ZNF496: variants seen among roughly 807,000 people sequenced by gnomAD.
ZNF496 encodes the protein NSD1 (nuclear receptor binding SET-domain containing 1)-interacting zinc finger protein 1.
ZNF496 carries 11 observed loss-of-function variants against 58.9 expected under a neutral mutation model. That is an observed-to-expected ratio of 0.19 (90% CI 0.12 to 0.31). The LOEUF is 0.31. Among genes scored for constraint, ZNF496 ranks in the 10% least tolerant of loss-of-function variants. The probability of loss-of-function intolerance (pLI) is 1.00; values close to 1 mark genes in which losing one functional copy is unlikely to be tolerated. For missense variants in ZNF496, 660 were observed against 783.0 expected (o/e 0.84, Z 1.88); for synonymous variants, 338 against 318.2 (o/e 1.06, Z -0.66).
intron 6 of ZNF496, among the ~76,000 whole-genome samples, chr1:247,322,071 C>T (rs903910990): frequency 2.0e-5 from 3 of 152,124 alleles, no homozygotes; most frequent in African/African-American, 7.2e-5. Context: ...CACTTGAGGT[C>T]AGGAGTTTGA....
rs757132030 is a variant in ZNF496 at position 247,308,508 on chromosome 1, G to T, written c.973C>A (p.Pro325Thr). 7 of 1,614,072 alleles carry T rather than the reference G, an allele frequency of 4.3e-6. No individual in the cohort carries two copies. The highest frequency in any genetic ancestry group is 5.9e-6 in the Non-Finnish European group (7 of 1,179,994). ...GTGTTTTGAGGCACCACCGTCTGTG[G>T]GCAGGCCTGGAACTCTGGCACCTGC... ...ELQVPEFQAC[P>T]QTVVPQNTYP... The change falls in exon 9 of 10, where the codon CCA becomes ACA. Residue 325 changes from proline to threonine, a missense_variant. By Grantham distance (38) the Pro-to-Thr change is conservative. Transcript: ENST00000682384. This position sits in a 1 kb window ranked among gnomAD's most constrained non-coding sequence, Gnocchi z 4.5.
rs1659198246 is a variant in ZNF496 at position 247,300,353 on chromosome 1, G to GA, written c.*165dup. 1 of 634,344 alleles carries GA rather than the reference G, an allele frequency of 1.6e-6. No homozygotes were observed. The highest frequency in any genetic ancestry group is 2.5e-6 in the Non-Finnish European group (1 of 402,726). 39.3% of individuals were successfully genotyped at this position (634,344 alleles called of 1,614,324 possible). ...CCACTCTTTCATTACCTGGGGGAGG[G>GA]AGAGTGCTCCCATGGCACCACCCGA... On this transcript the variant is annotated 3_prime_UTR_variant, in exon 10 of 10. Coordinates refer to ENST00000682384, the MANE Select transcript of ZNF496 (RefSeq NM_032752.3). This position sits in a 1 kb window ranked among gnomAD's most constrained non-coding sequence, Gnocchi z 5.7.
In ZNF496 at chr1:247,320,912, C is replaced by G. The variant is rs145206683; in HGVS notation, c.651+2242G>C. Reference sequence around the variant, plus strand: ...ATTCATGGCCAGGCATGGTGGCTCACGCCTGTAATCCCAGCACTTTGGGAG... The same window carrying G: ...ATTCATGGCCAGGCATGGTGGCTCAGGCCTGTAATCCCAGCACTTTGGGAG... On this transcript the variant is annotated intron_variant, in intron 6 of 9. Coordinates refer to ENST00000682384, the MANE Select transcript of ZNF496 (RefSeq NM_032752.3). 3.9e-3 allele frequency among the ~76,000 whole-genome samples: 592 copies of G among 152,256 alleles called. 3 individuals carry two copies. The highest frequency in any genetic ancestry group is 0.014 in the African/African-American group (567 of 41,542).
At chr1:247,312,208 A>G (rs1407523255) in intron 6 of ZNF496, 1 of 152,212 alleles carries the variant, frequency 6.6e-6, no homozygotes, top group African/African-American at 2.4e-5. Flanking sequence ...CCTTGCTTAG[A>G]TATTTCTGCA....
intron 6 of ZNF496, among the ~76,000 whole-genome samples, chr1:247,316,135 G>GGGGTGTGTGTGT: frequency 7.1e-6 from 1 of 139,926 alleles, no homozygotes; most frequent in Middle Eastern, 3.5e-3. Flanking sequence ...CTGGGAGAGG[G>GGGGTGTGTGTGT]GTGTGTGTGT....
chr1:247,315,299 C>A (rs1659735936), intron 6 of ZNF496, among the ~76,000 whole-genome samples: 1 of 152,104 alleles, frequency 6.6e-6, no homozygotes, highest in South Asian at 2.1e-4. Context: ...CAGTGTGGTT[C>A]TCCTGCAAAA....
chr1:247,304,713 C>A (rs925931988), intron 9 of ZNF496, among the ~76,000 whole-genome samples: 1 of 152,144 alleles, frequency 6.6e-6, no homozygotes, highest in Non-Finnish European at 1.5e-5. Flanking sequence ...GACCCATTAC[C>A]CTTTCTTCTC....
At chr1:247,327,530 A>G (rs1399103630) in intron 5 of ZNF496, among the ~76,000 whole-genome samples, 1 of 152,250 alleles carries the variant, frequency 6.6e-6, no homozygotes, top group Non-Finnish European at 1.5e-5. Context: ...TACATAAGGC[A>G]TCCAGTCTGT....
At position 247,301,193 on chromosome 1, in the gene ZNF496, C is replaced by A. The variant is rs369493196; in HGVS notation, c.1090G>T (p.Asp364Tyr). Residue 364 changes from aspartate to tyrosine, a missense_variant, in exon 10 of 10, where the codon GAC (aspartate) becomes TAC (tyrosine). Physicochemically the swap from Asp to Tyr is radical, Grantham distance 160. Transcript: ENST00000682384. ...EIVLSSSGDE[D>Y]SQHGPYCTEE... ...GTGCAGTACGGGCCATGCTGGGAGT[C>A]CTCGTCCCCAGAGCTGGAGAGAACG... The A allele has an allele frequency of 4.9e-5, 77 of 1,584,118 alleles. No individual in the cohort carries two copies. The highest frequency in any genetic ancestry group is 6.3e-5 in the Non-Finnish European group (73 of 1,162,968).
intron 9 of ZNF496, among the ~76,000 whole-genome samples, chr1:247,303,846 C>T (rs779315779): frequency 3.9e-5 from 6 of 152,106 alleles, no homozygotes; most frequent in Non-Finnish European, 7.4e-5. Flanking sequence ...GGAGAGACAC[C>T]AAGAGTGTGG....
chr1:247,310,705 G>A (rs560902054), intron 6 of ZNF496: 124 of 456,328 alleles, frequency 2.7e-4, no homozygotes, highest in African/African-American at 2.2e-3. Context: ...GAGAGGGCAA[G>A]GGAGTTCTCT....
rs1274055273 is a variant in ZNF496 at position 247,298,367 on chromosome 1, A to G, written c.*2152T>C. ...GAGACAGAGTCTCATTCTGTCACCT[A>G]GCTTGTGCAGTGGCATGATCTCGGC... On this transcript the variant is annotated 3_prime_UTR_variant, in exon 10 of 10. Coordinates refer to ENST00000682384, the MANE Select transcript of ZNF496 (RefSeq NM_032752.3). The G allele has an allele frequency of 6.6e-6, 1 of 152,216 alleles. No homozygotes were observed. Among genetic ancestry groups the G allele is most frequent in the African/African-American group, 2.4e-5 (1 of 41,438 alleles). 9.4% of individuals were successfully genotyped at this position (152,216 alleles called of 1,614,324 possible).
intron 5 of ZNF496, among the ~76,000 whole-genome samples, chr1:247,324,814 G>A (rs1572092610): frequency 6.6e-6 from 1 of 152,180 alleles, no homozygotes; most frequent in Admixed American, 6.5e-5. Context: ...AAGAGCATTT[G>A]ACACAGTGTC....
intron 6 of ZNF496, chr1:247,311,990 G>C (rs1268743740): frequency 6.6e-6 from 1 of 152,214 alleles, no homozygotes; most frequent in Non-Finnish European, 1.5e-5. Flanking sequence ...AATTGCCTTT[G>C]GGGTCATTTT....
chr1:247,307,025 A>G (rs1320410783), intron 9 of ZNF496: 1 of 914,350 alleles, frequency 1.1e-6, no homozygotes, highest in Non-Finnish European at 1.3e-6. Context: ...AAAAATAAAT[A>G]AATAAGGATA....
At chr1:247,311,662 G>C (rs1659607650) in intron 6 of ZNF496, 1 of 152,150 alleles carries the variant, frequency 6.6e-6, no homozygotes, top group Non-Finnish European at 1.5e-5. Context: ...TGTGTTGGGA[G>C]GTGACCCCGC....
At chr1:247,325,953 C>T (rs1235341610) in intron 5 of ZNF496, among the ~76,000 whole-genome samples, 1 of 151,792 alleles carries the variant, frequency 6.6e-6, no homozygotes, top group Non-Finnish European at 1.5e-5. Context: ...AGTTTAAAAT[C>T]ATGTTGGCCG....
rs769921242 is a variant in ZNF496 at position 247,326,127 on chromosome 1, CAT to C, written c.574+2554_574+2555del. On this transcript the variant is annotated intron_variant, in intron 5 of 9. Coordinates refer to ENST00000682384, the MANE Select transcript of ZNF496 (RefSeq NM_032752.3). ...ATATACACACACATATATATACATA[CAT>C]ATATATATATACACACATATATATA... Among the ~76,000 whole-genome samples the C allele has an allele frequency of 3.7e-4, 54 of 147,264 alleles. No individual in the cohort carries two copies. In the East Asian group the frequency reaches 4.0e-3, roughly 11 times the overall value.
At chr1:247,307,516 A>T in intron 9 of ZNF496, 1 of 985,388 alleles carries the variant, frequency 1.0e-6, no homozygotes, top group Non-Finnish European at 1.2e-6. Flanking sequence ...CTCCAAGTGG[A>T]CCCCAAATGA....
Sources: gnomAD v4.1 joint callset for allele counts (sites outside exome capture counted in the v4.1 genomes callset) on GRCh38, gnomAD v4.1.1 for gene constraint, Gnocchi (gnomAD v3.1) non-coding constraint, MANE v1.5 for transcripts, NCBI Gene and HGNC (gene_info 2026-07-23, HGNC 2026-07-21) for gene names.